The following ARHGEF39 variants were observed in gnomAD, a reference collection of about 807,000 sequenced individuals.
ARHGEF39 encodes Rho guanine nucleotide exchange factor (GEF) 39.
Under a neutral mutation model 47.5 loss-of-function variants are expected in ARHGEF39, and 45 were observed. The ratio of observed to expected loss-of-function variants is 0.95; its 90% CI spans 0.75 to 1.22. The LOEUF (loss-of-function observed/expected upper bound fraction) is 1.22, where lower values mean the gene tolerates loss of function less well. Among genes scored for constraint, ARHGEF39 ranks in the 50% most tolerant of loss-of-function variants. ARHGEF39 has a pLI of 0.00. For synonymous variants in ARHGEF39, 164 were observed against 167.8 expected (o/e 0.98, Z 0.17); for missense variants, 411 against 425.3 (o/e 0.97, Z 0.30).
At position 35,664,264 on chromosome 9, in the gene ARHGEF39, A is replaced by G. The variant is rs1273210457; in HGVS notation, c.354+108T>C. ...CGTTTCTCTACAAGGAACTTACCAC[A>G]GAGCTGAGCACCCAGAGGGCTCTAT... is the stretch of plus-strand genomic sequence containing the variant. On this transcript the variant is annotated intron_variant, in intron 3 of 8. Transcript: ENST00000378387. 2.6e-6 allele frequency: 4 copies of G among 1,522,624 alleles called. No individual in the cohort carries two copies. The African/African-American group carries it at 5.5e-5, about 21-fold the overall frequency. 94.3% of individuals were successfully genotyped at this position (1,522,624 alleles called of 1,614,324 possible).
Position 35,661,283 on chromosome 9 carries a change from A to G in ARHGEF39, c.*704T>C. The G allele has an allele frequency of 1.2e-6, 1 of 842,054 alleles. No individual in the cohort carries two copies. Among genetic ancestry groups the G allele is most frequent in the Non-Finnish European group, 1.8e-6 (1 of 542,276 alleles). The allele number at this position is 842,054 out of a possible 1,614,324, so 52.2% of individuals were successfully genotyped here. ...TGGGCCTTCTTGAAGAGCTGTCCTT[A>G]TTAGGACAAAAAGAGGCTGCCTTCC... On this transcript the variant is annotated 3_prime_UTR_variant, in exon 9 of 9. Transcript: ENST00000378387.
chr9:35,664,932 G>A, intron 1 of ARHGEF39, 82 bp from the exon 2 acceptor site: 1 of 1,540,208 alleles, frequency 6.5e-7, no homozygotes, highest in Non-Finnish European at 8.7e-7. Flanking sequence ...GCAGAAGTCT[G>A]CCCAGGCTCC....
Position 35,660,527 on chromosome 9 carries a change from C to T in ARHGEF39, c.*1460G>A. ...GGGGACAGCAGAAGATACATAACCACTTCTGCCCCCTTTTTTCCCTTATCC... is the reference window on the plus strand; with the variant it reads ...GGGGACAGCAGAAGATACATAACCATTTCTGCCCCCTTTTTTCCCTTATCC... On this transcript the variant is annotated 3_prime_UTR_variant, in exon 9 of 9. Transcript: ENST00000378387. The T allele has an allele frequency of 6.2e-7, 1 of 1,613,922 alleles. No individual in the cohort carries two copies. Among genetic ancestry groups the T allele is most frequent in the Non-Finnish European group, 8.5e-7 (1 of 1,179,842 alleles).
At chr9:35,663,473 C>T (rs1308313431) in intron 4 of ARHGEF39, 81 bp from the exon 5 acceptor site, 1 of 1,208,768 alleles carries the variant, frequency 8.3e-7, no homozygotes, top group Non-Finnish European at 1.2e-6. Flanking sequence ...TCACCCTCTA[C>T]CCATACTTCA....
At chr9:35,663,883 T>C (rs1275064132) in intron 4 of ARHGEF39, 125 bp downstream of exon 4, 2 of 1,016,094 alleles carry the variant, frequency 2.0e-6, no homozygotes, top group East Asian at 2.4e-5. Context: ...AAAAGGTTTT[T>C]AGAAGCAATT....
chr9:35,661,345 C>G lies in ARHGEF39; in HGVS notation c.*642G>C. On this transcript the variant is annotated 3_prime_UTR_variant, in exon 9 of 9. Coordinates refer to ENST00000378387, the MANE Select transcript of ARHGEF39 (RefSeq NM_032818.3). ...AGAGAAGATAGAGGGAGCTCCAGCT[C>G]TTTTCCTCGTATTCCTGAGGCCACC... is the stretch of plus-strand genomic sequence containing the variant. 1 of 554,660 alleles carries G rather than the reference C, an allele frequency of 1.8e-6. No individual in the cohort carries two copies. Among genetic ancestry groups the G allele is most frequent in the South Asian group, 2.8e-5 (1 of 35,232 alleles). The allele number at this position is 554,660 out of a possible 1,614,324, so 34.4% of individuals were successfully genotyped here.
At position 35,660,256 on chromosome 9, in the gene ARHGEF39, T is replaced by C; in HGVS notation, c.*1731A>G. The C allele has an allele frequency of 7.4e-6, 5 of 678,772 alleles. No homozygotes were observed. Among genetic ancestry groups the C allele is most frequent in the Non-Finnish European group, 1.3e-5 (5 of 396,768 alleles). The allele number at this position is 678,772 out of a possible 1,614,324, so 42.0% of individuals were successfully genotyped here. ...TTCATATGCTGGGTGAGGAGCTAGATAGACTAGGATTGTGATTCTCTGAGG... is the reference window on the plus strand; with the variant it reads ...TTCATATGCTGGGTGAGGAGCTAGACAGACTAGGATTGTGATTCTCTGAGG... On this transcript the variant is annotated 3_prime_UTR_variant, in exon 9 of 9. Coordinates refer to ENST00000378387, the MANE Select transcript of ARHGEF39 (RefSeq NM_032818.3).
At position 35,664,086 on chromosome 9, in the gene ARHGEF39, C is replaced by A; in HGVS notation, c.395G>T (p.Arg132Leu). The change falls in exon 4 of 9, where the codon CGG becomes CTG. Residue 132 changes from arginine to leucine, a missense_variant. Physicochemically the swap from Arg to Leu is moderately radical, Grantham distance 102. Transcript: ENST00000378387. ...KKNKGFRRFV[R>L]LQEGRPEFGG... is the part of the protein sequence containing the mutation. ...AAACTCAGGGCGGCCTTCCTGAAGC[C>A]GTACAAACCTCCGGAAACCTTTATT... 1.2e-6 allele frequency: 2 copies of A among 1,614,110 alleles called. No individual in the cohort carries two copies. The highest frequency in any genetic ancestry group is 1.7e-6 in the Non-Finnish European group (2 of 1,179,968).
At chr9:35,662,777 T>G in intron 6 of ARHGEF39, 36 bp from the exon 7 acceptor site, 1 of 1,537,348 alleles carries the variant, frequency 6.5e-7, no homozygotes, top group Non-Finnish European at 8.8e-7. Context: ...TGGTGCAGCT[T>G]CAAGATACAT....
In ARHGEF39 at chr9:35,662,829, T is replaced by C; in HGVS notation, c.674-88A>G. 4 of 1,535,890 alleles carry C rather than the reference T, an allele frequency of 2.6e-6. No individual in the cohort carries two copies. In the South Asian group the frequency reaches 4.9e-5, roughly 19 times the overall value. ...GGAGGCTGAGAAAATAGGGGTTATG[T>C]GCTGGGTCAGTACAGGAAGAAGGGT... On this transcript the variant is annotated intron_variant, in intron 6 of 8. Transcript: ENST00000378387.
At chr9:35,662,841 A>G (rs1451752192) in intron 6 of ARHGEF39, 100 bp from the exon 7 acceptor site, 2 of 1,551,062 alleles carry the variant, frequency 1.3e-6, no homozygotes, top group South Asian at 2.4e-5. Context: ...CTGGGTCAGT[A>G]CAGGAAGAAG....
chr9:35,663,058 T>C lies in ARHGEF39; in HGVS notation c.561A>G (p.Ile187Met), dbSNP rs1223061352. 3 of 1,613,830 alleles carry C rather than the reference T, an allele frequency of 1.9e-6. No homozygotes were observed. Among genetic ancestry groups the C allele is most frequent in the South Asian group, 1.1e-5 (1 of 91,074 alleles). The change falls in exon 6 of 9, where the codon ATA becomes ATG. Residue 187 changes from isoleucine to methionine, a missense_variant. Transcript: ENST00000378387. ...TATGGACTCTCTGGGCAGTCTCACTTATCAGTCGGGCAGCCCCTGGAATAA... is the reference window on the plus strand; with the variant it reads ...TATGGACTCTCTGGGCAGTCTCACTCATCAGTCGGGCAGCCCCTGGAATAA... ...HQQLTRAARL[I>M]SETAQRVHTI...
chr9:35,662,010 G>C lies in ARHGEF39; in HGVS notation c.993-8C>G. 1 of 1,613,982 alleles carries C rather than the reference G, an allele frequency of 6.2e-7. No homozygotes were observed. Among genetic ancestry groups the C allele is most frequent in the South Asian group, 1.1e-5 (1 of 91,042 alleles). On this transcript the variant is annotated splice_polypyrimidine_tract_variant and splice_region_variant and intron_variant, in intron 8 of 8. Coordinates refer to ENST00000378387, the MANE Select transcript of ARHGEF39 (RefSeq NM_032818.3). The stretch of plus-strand genomic sequence containing the variant: ...CTCTAGTTTTTCTGGCTGCTGTGGA[G>C]AGAAGACAGTCAGTTCAGGCACTGG...
At position 35,660,777 on chromosome 9, in the gene ARHGEF39, C is replaced by T. The variant is rs1271111281; in HGVS notation, c.*1210G>A. On this transcript the variant is annotated 3_prime_UTR_variant, in exon 9 of 9. Transcript: ENST00000378387. The stretch of plus-strand genomic sequence containing the variant: ...TACTCTGGCTGGAGCCCAGCAGGAG[C>T]TTCTGAACATGAAGCTATGGACCAT... The T allele has an allele frequency of 1.2e-6, 2 of 1,614,058 alleles. No homozygotes were observed. Among genetic ancestry groups the T allele is most frequent in the Non-Finnish European group, 1.7e-6 (2 of 1,179,960 alleles).
intron 7 of ARHGEF39, 63 bp from the exon 8 acceptor site, chr9:35,662,330 G>A: frequency 6.5e-7 from 1 of 1,528,794 alleles, no homozygotes; most frequent in African/African-American, 1.4e-5. Flanking sequence ...TGAAGCCCTT[G>A]CTGTTTCCAT....
chr9:35,661,176 C>A lies in ARHGEF39; in HGVS notation c.*811G>T. Reference sequence around the variant, plus strand: ...AGCTGAAGGTCGACTAAAACAAAGTCTGTTTTCATGATGGAGTGCTCCTGT... The same window carrying A: ...AGCTGAAGGTCGACTAAAACAAAGTATGTTTTCATGATGGAGTGCTCCTGT... On this transcript the variant is annotated 3_prime_UTR_variant, in exon 9 of 9. Coordinates refer to ENST00000378387, the MANE Select transcript of ARHGEF39 (RefSeq NM_032818.3). The A allele has an allele frequency of 6.3e-7, 1 of 1,596,960 alleles. No homozygotes were observed. Among genetic ancestry groups the A allele is most frequent in the South Asian group, 1.1e-5 (1 of 88,882 alleles).
intron 7 of ARHGEF39, 50 bp from the exon 8 acceptor site, chr9:35,662,317 A>C (rs1823995395): frequency 6.4e-7 from 1 of 1,563,160 alleles, no homozygotes; most frequent in African/African-American, 1.4e-5. Context: ...TCCAGGCTAA[A>C]GCTGAAGCCC....
In ARHGEF39 at chr9:35,661,651, T is replaced by A; in HGVS notation, c.*336A>T. ...GTTGGGTTGGACTTGGTTTCCTGATTCTTCTTTTTTAATAAAATTTCTTAA... is the reference window on the plus strand; with the variant it reads ...GTTGGGTTGGACTTGGTTTCCTGATACTTCTTTTTTAATAAAATTTCTTAA... On this transcript the variant is annotated 3_prime_UTR_variant, in exon 9 of 9. Coordinates refer to ENST00000378387, the MANE Select transcript of ARHGEF39 (RefSeq NM_032818.3). 1 of 422,590 alleles carries A rather than the reference T, an allele frequency of 2.4e-6. No homozygotes were observed. Among genetic ancestry groups the A allele is most frequent in the Non-Finnish European group, 4.2e-6 (1 of 239,792 alleles). The allele number at this position is 422,590 out of a possible 1,614,324, so 26.2% of individuals were successfully genotyped here.
chr9:35,662,827 T>A, intron 6 of ARHGEF39, 86 bp from the exon 7 acceptor site: 1 of 1,532,570 alleles, frequency 6.5e-7, no homozygotes. Flanking sequence ...ATAGGGGTTA[T>A]GTGCTGGGTC....
Sources: allele counts gnomAD v4.1 joint callset, GRCh38; gene constraint gnomAD v4.1.1; transcripts MANE v1.5; gene names NCBI Gene and HGNC (gene_info 2026-07-23, HGNC 2026-07-21).